The following LONRF3 variants were observed in gnomAD, a reference collection of about 807,000 sequenced individuals.
The protein encoded by LONRF3 is LON peptidase N-terminal domain and ring finger 3.
A neutral mutation model predicts 51.7 loss-of-function variants in LONRF3; 19 were observed. The ratio of observed to expected loss-of-function variants is 0.37; its 90% CI spans 0.26 to 0.54. LONRF3 has a LOEUF of 0.54. Among genes scored for constraint, LONRF3 ranks in the 20% least tolerant of loss-of-function variants. LONRF3 has a pLI of 0.86. For missense variants in LONRF3, 521 were observed against 623.9 expected, an observed-to-expected ratio of 0.84 and a Z score of 1.76; for synonymous variants, 265 against 257.8, an observed-to-expected ratio of 1.03 and a Z score of -0.27.
chrX:119,006,517 C>T lies in LONRF3; in HGVS notation c.1530+282C>T, dbSNP rs183907358. Among the ~76,000 whole-genome samples, 88 of 109,632 alleles carry T rather than the reference C, an allele frequency of 8.0e-4. 1 individual carries two copies. The highest frequency in any genetic ancestry group is 2.5e-3 in the African/African-American group (75 of 30,075). On this transcript the variant is annotated intron_variant, in intron 6 of 10. Coordinates refer to ENST00000371628, the MANE Select transcript of LONRF3 (RefSeq NM_001031855.3). ...CTGGGTTCCAGCAGTTCTCCTGCCT[C>T]AGCCTCCCAAGTAGCTGGGATTACA...
chrX:119,004,807 T>G (rs1357711406), intron 5 of LONRF3, among the ~76,000 whole-genome samples: 1 of 112,597 alleles, frequency 8.9e-6, no homozygotes, highest in East Asian at 2.8e-4. Context: ...TTCCATTTAT[T>G]TTATGTCAAT....
chrX:118,985,274 G>T (rs1312255100), intron 3 of LONRF3, among the ~76,000 whole-genome samples: 1 of 111,703 alleles, frequency 9.0e-6, no homozygotes, highest in East Asian at 2.8e-4. Flanking sequence ...TGCTCTTTTT[G>T]GGAGAATTCC....
intron 5 of LONRF3, among the ~76,000 whole-genome samples, chrX:119,000,775 TTCTCTCTCTCTCTCTCTCTCTC>T (rs200671696): frequency 0.058 from 3,237 of 55,559 alleles, 63 homozygotes; most frequent in African/African-American, 0.1. Flanking sequence ...TTCACTCTCA[TTCTCTCTCTCTCTCTCTCTCTC>T]TCTCTCTCTC....
intron 7 of LONRF3, among the ~76,000 whole-genome samples, chrX:119,009,624 T>A (rs1454182902): frequency 8.9e-6 from 1 of 111,912 alleles, no homozygotes; most frequent in East Asian, 2.8e-4. Context: ...GGTTAAGAAC[T>A]TTGGTGTCAA....
chrX:119,004,851 G>A (rs144976063), intron 5 of LONRF3, among the ~76,000 whole-genome samples: 1,174 of 112,533 alleles, frequency 0.01, 23 homozygotes, highest in African/African-American at 0.036. Flanking sequence ...AGATAAAGCT[G>A]TTCAGGTGAT....
intron 2 of LONRF3, among the ~76,000 whole-genome samples, chrX:118,982,370 C>T (rs1237422601): frequency 2.7e-5 from 3 of 111,657 alleles, no homozygotes; most frequent in Non-Finnish European, 5.6e-5. Context: ...AGTGTAGGTG[C>T]TCTTTCAAGC....
intron 10 of LONRF3, among the ~76,000 whole-genome samples, chrX:119,016,354 T>C (rs113332628): frequency 1.2e-4 from 7 of 56,794 alleles, no homozygotes; most frequent in Admixed American, 3.7e-4. Flanking sequence ...TTCTTTCTTT[T>C]TTTTTTTTTT....
At chrX:118,986,060 AC>A (rs1569475926) in intron 3 of LONRF3, among the ~76,000 whole-genome samples, 4 of 14,301 alleles carry the variant, frequency 2.8e-4, no homozygotes, top group African/African-American at 1.1e-3. Context: ...AAACACACAC[AC>A]ACACACACAC....
Position 118,975,361 on chromosome X carries a change from T to C in LONRF3, c.581T>C (p.Leu194Pro). The stretch of plus-strand genomic sequence containing the variant: ...CGGGCCGCCGACCGGCGCTGTGCGC[T>C]GTGCGGGGTCAAGCTCTCCGCCTTG... The part of the protein sequence containing the change: ...RGRAADRRCA[L>P]CGVKLSALMV... The change falls in exon 1 of 11, where the codon CTG becomes CCG. Residue 194 changes from leucine to proline, a missense_variant. Around this residue, in one of 2 missense-constraint regions of LONRF3, gnomAD observed 376 missense variants for 376.7 expected, o/e 1.00. Transcript: ENST00000371628. The C allele has an allele frequency of 2.5e-6, 3 of 1,209,287 alleles. No individual in the cohort carries two copies. Among genetic ancestry groups the C allele is most frequent in the Non-Finnish European group, 3.4e-6 (3 of 894,712 alleles).
At chrX:118,982,123 C>G (rs750416494) in intron 2 of LONRF3, among the ~76,000 whole-genome samples, 102 of 111,913 alleles carry the variant, frequency 9.1e-4, no homozygotes, top group African/African-American at 3.2e-3. Flanking sequence ...CCCTGAGGAG[C>G]CATAAACTTC....
chrX:118,998,157 T>G (rs1261320980), intron 5 of LONRF3, among the ~76,000 whole-genome samples: 1 of 103,232 alleles, frequency 9.7e-6, no homozygotes, highest in Non-Finnish European at 2.0e-5. Flanking sequence ...TCAAGAAAGA[T>G]ACTTGCACAT....
chrX:118,983,520 C>A (rs1173731811), intron 3 of LONRF3, among the ~76,000 whole-genome samples: 9 of 112,495 alleles, frequency 8.0e-5, no homozygotes, highest in Admixed American at 7.5e-4. Context: ...AGCAGTCGTT[C>A]CAACTCTTGG....
chrX:118,995,659 C>T (rs1603251496), intron 5 of LONRF3, among the ~76,000 whole-genome samples: 1 of 111,933 alleles, frequency 8.9e-6, no homozygotes, highest in Admixed American at 9.4e-5. Flanking sequence ...ACAGGAGATA[C>T]CACAACTGAC....
intron 1 of LONRF3, among the ~76,000 whole-genome samples, chrX:118,977,536 A>G (rs1258118524): frequency 8.9e-6 from 1 of 112,555 alleles, no homozygotes; most frequent in Non-Finnish European, 1.9e-5. Flanking sequence ...AGAAAAAGGA[A>G]CCTGCTCCCC....
chrX:118,991,491 C>T (rs1247725349), intron 5 of LONRF3, among the ~76,000 whole-genome samples: 1 of 111,641 alleles, frequency 9.0e-6, no homozygotes, highest in African/African-American at 3.3e-5. Context: ...CCAAGTATCT[C>T]CCCACCAAAC....
rs375523789 is a variant in LONRF3 at position 118,982,988 on chromosome X, C to T, written c.1059+45C>T. On this transcript the variant is annotated intron_variant, in intron 3 of 10. Coordinates refer to ENST00000371628, the MANE Select transcript of LONRF3 (RefSeq NM_001031855.3). ...GGTCCAGCTGCCTACTGGACCCTCC[C>T]CTCTCTGTCTTATCTAGGAAGGGGA... The T allele has an allele frequency of 3.1e-5, 37 of 1,180,698 alleles. No individual in the cohort carries two copies. The African/African-American group carries it at 5.3e-4, about 17-fold the overall frequency.
chrX:118,982,034 T>A (rs925761957), intron 2 of LONRF3, among the ~76,000 whole-genome samples: 44 of 112,090 alleles, frequency 3.9e-4, no homozygotes, highest in African/African-American at 1.4e-3. Context: ...TCTCCCCCGC[T>A]ACTCTTTTTT....
At chrX:119,003,002 T>A (rs1924441348) in intron 5 of LONRF3, among the ~76,000 whole-genome samples, 1 of 110,127 alleles carries the variant, frequency 9.1e-6, no homozygotes, top group African/African-American at 3.3e-5. Context: ...CAGGCTGGTC[T>A]TGAGCTCCTC....
intron 5 of LONRF3, among the ~76,000 whole-genome samples, chrX:118,997,581 C>G (rs747453241): frequency 8.9e-6 from 1 of 112,090 alleles, no homozygotes; most frequent in African/African-American, 3.2e-5. Flanking sequence ...GACCGAGAAC[C>G]GAAAAGCAAA....
Sources: gnomAD v4.1 joint callset for allele counts (sites outside exome capture counted in the v4.1 genomes callset) on GRCh38, gnomAD v4.1.1 for gene constraint, gnomAD v4.1.1 regional missense constraint, MANE v1.5 for transcripts, NCBI Gene and HGNC (gene_info 2026-07-23, HGNC 2026-07-21) for gene names.